Variants in ARSG observed in about 807,000 individuals in gnomAD.
ARSG encodes the protein ASG.
A neutral mutation model predicts 50.5 loss-of-function variants in ARSG; 37 were observed. The observed-to-expected ratio is 0.73, with a 90% CI of 0.56 to 0.96. The LOEUF is 0.96. Ranked by LOEUF, ARSG falls within the 50% of genes least tolerant of loss-of-function variation. The pLI, the probability that ARSG is intolerant of heterozygous loss-of-function variation, is 0.00. For synonymous variants in ARSG, 225 were observed against 254.6 expected, an observed-to-expected ratio of 0.88 and a Z score of 1.11; for missense variants, 629 against 675.3, an observed-to-expected ratio of 0.93 and a Z score of 0.76.
intron 6 of ARSG, among the ~76,000 whole-genome samples, chr17:68,365,900 T>A (rs1228990294): frequency 6.6e-6 from 1 of 152,174 alleles, no homozygotes; most frequent in African/African-American, 2.4e-5. Context: ...TGATAAATGG[T>A]GAGAATGTAC....
intron 11 of ARSG, among the ~76,000 whole-genome samples, chr17:68,415,716 A>G (rs1028615681): frequency 1.3e-5 from 2 of 152,142 alleles, no homozygotes; most frequent in Non-Finnish European, 2.9e-5. Flanking sequence ...TTAGGAGCAT[A>G]TATGTTTAGG....
chr17:68,291,262 C>G (rs2075976379), upstream of ARSG: 1 of 150,856 alleles, frequency 6.6e-6, no homozygotes, highest in African/African-American at 2.4e-5. Context: ...GGGCCCTCCA[C>G]CCACTCCCGC....
intron 1 of ARSG, chr17:68,270,821 T>G: frequency 6.4e-7 from 1 of 1,573,872 alleles, no homozygotes; most frequent in African/African-American, 1.4e-5. Flanking sequence ...GTGTTTGTAT[T>G]TTGTGTATTT....
intron 1 of ARSG, among the ~76,000 whole-genome samples, chr17:68,299,922 T>C (rs1166316828): frequency 1.3e-5 from 2 of 149,660 alleles, no homozygotes; most frequent in Non-Finnish European, 3.0e-5. Flanking sequence ...TAAAATTATA[T>C]GATATTTGGT....
At chr17:68,329,154 G>A (rs924924729) in intron 2 of ARSG, among the ~76,000 whole-genome samples, 3 of 152,240 alleles carry the variant, frequency 2.0e-5, no homozygotes, top group African/African-American at 4.8e-5. Context: ...ACCAAGAGGG[G>A]CCAGCCATGT....
Position 68,370,030 on chromosome 17 carries a change from T to A in ARSG, c.902-414T>A, listed in dbSNP as rs555205855. Among the ~76,000 whole-genome samples the A allele has an allele frequency of 3.3e-5, 5 of 152,314 alleles. No homozygotes were observed. In the East Asian group the frequency reaches 9.6e-4, roughly 29 times the overall value. On this transcript the variant is annotated intron_variant, in intron 7 of 11. Transcript: ENST00000621439. ...TTTATTTATTTATATTTATTTATTTTTTTAGATGGAGTCTTGCTCCGTCAC... is the reference window on the plus strand; with the variant it reads ...TTTATTTATTTATATTTATTTATTTATTTAGATGGAGTCTTGCTCCGTCAC...
chr17:68,262,137 CAA>C (rs1351844762), intron 1 of ARSG, among the ~76,000 whole-genome samples: 2 of 136,698 alleles, frequency 1.5e-5, no homozygotes, highest in African/African-American at 2.9e-5. Context: ...GCGTGGGTGA[CAA>C]GAGCAAAACT....
At chr17:68,389,189 A>G (rs2080876535) in intron 9 of ARSG, among the ~76,000 whole-genome samples, 1 of 152,098 alleles carries the variant, frequency 6.6e-6, no homozygotes, top group South Asian at 2.1e-4. Flanking sequence ...TCCTCCCTGG[A>G]TCTGGCAGTG....
At chr17:68,285,350 C>G (rs564714318) in intron 1 of ARSG, among the ~76,000 whole-genome samples, 45 of 152,274 alleles carry the variant, frequency 3.0e-4, no homozygotes, top group African/African-American at 1.1e-3. Flanking sequence ...TGCAGTGGCA[C>G]GATCATAGCT....
intron 6 of ARSG, among the ~76,000 whole-genome samples, chr17:68,363,746 C>T (rs1203540829): frequency 6.6e-6 from 1 of 151,888 alleles, no homozygotes; most frequent in East Asian, 1.9e-4. Flanking sequence ...GGATTACAGG[C>T]GTGAGCCATC....
intron 8 of ARSG, among the ~76,000 whole-genome samples, chr17:68,384,043 G>A (rs762811386): frequency 2.0e-5 from 3 of 152,140 alleles, no homozygotes; most frequent in South Asian, 4.1e-4. Context: ...AGTACAGGGC[G>A]ACAGAAGCCT....
At chr17:68,320,662 A>G (rs2077247228) in intron 2 of ARSG, among the ~76,000 whole-genome samples, 1 of 152,192 alleles carries the variant, frequency 6.6e-6, no homozygotes, top group Non-Finnish European at 1.5e-5. Context: ...AGGATTGGAC[A>G]TGATCCTGCA....
At chr17:68,390,180 GT>G (rs2080927254) in intron 9 of ARSG, among the ~76,000 whole-genome samples, 2 of 152,006 alleles carry the variant, frequency 1.3e-5, no homozygotes, top group Admixed American at 1.3e-4. Flanking sequence ...TAGAGACAGG[GT>G]TTTATCATGT....
At chr17:68,327,653 CTCTGCAATCACCCTTTT>C (rs2077560791) in intron 2 of ARSG, among the ~76,000 whole-genome samples, 1 of 152,174 alleles carries the variant, frequency 6.6e-6, no homozygotes, top group South Asian at 2.1e-4. Context: ...TTAAAATTAC[CTCTGCAATCACCCTTTT>C]TCTAATTACA....
the ARSG span, among the ~76,000 whole-genome samples, chr17:68,450,077 A>G: frequency 6.6e-6 from 1 of 152,320 alleles, no homozygotes; most frequent in South Asian, 2.1e-4. Flanking sequence ...AACACCCCCA[A>G]TACTTACTGA....
At chr17:68,282,668 GCATGGTGGCT>G (rs1431153566) in intron 1 of ARSG, among the ~76,000 whole-genome samples, 1 of 151,316 alleles carries the variant, frequency 6.6e-6, no homozygotes, top group African/African-American at 2.4e-5. Context: ...GCAGTGCCGG[GCATGGTGGCT>G]CATGCCTGTA....
At chr17:68,359,983 C>T (rs2079205583) in intron 6 of ARSG, among the ~76,000 whole-genome samples, 1 of 152,152 alleles carries the variant, frequency 6.6e-6, no homozygotes, top group Non-Finnish European at 1.5e-5. Flanking sequence ...GTGGATGCTT[C>T]AAGGCTAGTG....
rs1179377519 is a variant in ARSG at position 68,307,254 on chromosome 17, T to C, written c.-240T>C. 3.3e-5 allele frequency: 17 copies of C among 522,170 alleles called. No individual in the cohort carries two copies. The highest frequency in any genetic ancestry group is 4.4e-5 in the Non-Finnish European group (13 of 295,768). The allele number at this position is 522,170 out of a possible 1,614,324, so 32.3% of individuals were successfully genotyped here. On this transcript the variant is annotated 5_prime_UTR_variant, in exon 2 of 12. Coordinates refer to ENST00000621439, the MANE Select transcript of ARSG (RefSeq NM_001267727.2). ...ATAGAAGATCAAGCCAAATGAGGGATTGCAAATTTCCTGATTCTTTTGAAT... is the reference window on the plus strand; with the variant it reads ...ATAGAAGATCAAGCCAAATGAGGGACTGCAAATTTCCTGATTCTTTTGAAT...
intron 9 of ARSG, among the ~76,000 whole-genome samples, chr17:68,392,176 G>A (rs149151582): frequency 1.3e-5 from 2 of 152,304 alleles, no homozygotes; most frequent in African/African-American, 4.8e-5. Context: ...GTCCAGCTTC[G>A]CATTAGCTCA....
Sources: allele counts gnomAD v4.1 joint callset (sites outside exome capture counted in the v4.1 genomes callset), GRCh38; gene constraint gnomAD v4.1.1; transcripts MANE v1.5; gene names NCBI Gene and HGNC (gene_info 2026-07-23, HGNC 2026-07-21).